Variants in CSMD2 observed in about 807,000 individuals in gnomAD.
CSMD2 encodes CUB and Sushi multiple domains 2.
A neutral mutation model predicts 398.5 loss-of-function variants in CSMD2; 130 were observed. The ratio of observed to expected loss-of-function variants is 0.33; its 90% CI spans 0.28 to 0.38. CSMD2 has a LOEUF of 0.38. CSMD2 is among the 10% of genes least tolerant of loss of function. The pLI is 1.00. For missense variants in CSMD2, 3,829 were observed against 4,764.9 expected (o/e 0.80, Z 5.78); for synonymous variants, 1,828 against 1,908.5 (o/e 0.96, Z 1.10).
At chr1:33,686,402 C>T (rs1186582978) in intron 25 of CSMD2, among the ~76,000 whole-genome samples, 1 of 152,166 alleles carries the variant, frequency 6.6e-6, no homozygotes, top group East Asian at 1.9e-4. Context: ...AGCTGCCAGG[C>T]CTGGATGGAG....
chr1:33,637,557 C>T lies in CSMD2; in HGVS notation c.4775-1003G>A, dbSNP rs555052478. On this transcript the variant is annotated intron_variant, in intron 29 of 70. Transcript: ENST00000373381. ...TGAGCAGCAACTGGGAGCCCATGCTCACGCTTCTATGCATGATTACCTTTC... is the reference window on the plus strand; with the variant it reads ...TGAGCAGCAACTGGGAGCCCATGCTTACGCTTCTATGCATGATTACCTTTC... Among the ~76,000 whole-genome samples, 18 of 152,296 alleles carry T rather than the reference C, an allele frequency of 1.2e-4. No individual in the cohort carries two copies. In the East Asian group the frequency reaches 2.7e-3, roughly 23 times the overall value.
chr1:34,105,702 G>T (rs562806691), intron 1 of CSMD2, among the ~76,000 whole-genome samples: 1 of 152,216 alleles, frequency 6.6e-6, no homozygotes, highest in East Asian at 1.9e-4. Context: ...ACTGAAAATC[G>T]ATCATACACT....
Position 33,567,478 on chromosome 1 carries a change from C to CACATATATATATATATATATATATAT in CSMD2, c.8380+114_8380+115insATATATATATATATATATATATATGT, listed in dbSNP as rs1659152361. The CACATATATATATATATATATATATAT allele has an allele frequency of 1.7e-5, 8 of 469,870 alleles. No homozygotes were observed. The East Asian group carries it at 4.1e-4, about 24-fold the overall frequency. 29.1% of individuals were successfully genotyped at this position (469,870 alleles called of 1,614,324 possible). ...CAGTTTTGAAAAAAAAAATAGCAATCATATATATATATATATATTTAAAAC... is the reference window on the plus strand; with the variant it reads ...CAGTTTTGAAAAAAAAAATAGCAATCACATATATATATATATATATATATATATATATATATATATATATTTAAAAC... On this transcript the variant is annotated intron_variant, in intron 53 of 70. Coordinates refer to ENST00000373381, the MANE Select transcript of CSMD2 (RefSeq NM_001281956.2).
At chr1:34,059,920 A>G (rs1482746785) in intron 2 of CSMD2, among the ~76,000 whole-genome samples, 2 of 152,138 alleles carry the variant, frequency 1.3e-5, no homozygotes, top group African/African-American at 4.8e-5. Flanking sequence ...TGTTCATTCA[A>G]ATGTCCCTTT....
At chr1:33,568,142 A>G (rs372553490) in intron 52 of CSMD2, among the ~76,000 whole-genome samples, 104 of 151,892 alleles carry the variant, frequency 6.8e-4, no homozygotes, top group African/African-American at 2.5e-3. Flanking sequence ...ATAAAAAAAC[A>G]AACAAACAAA....
At chr1:33,938,704 G>A (rs1052772647) in intron 3 of CSMD2, among the ~76,000 whole-genome samples, 2 of 125,102 alleles carry the variant, frequency 1.6e-5, no homozygotes, top group Non-Finnish European at 3.2e-5. Flanking sequence ...CCATGATCCT[G>A]TACTGCTGCT....
chr1:33,744,469 C>T (rs958142184), intron 13 of CSMD2, among the ~76,000 whole-genome samples: 1 of 152,118 alleles, frequency 6.6e-6, no homozygotes, highest in Non-Finnish European at 1.5e-5. Flanking sequence ...TGTTCTCTCT[C>T]CCCTATTTCA....
chr1:34,060,588 A>G (rs1248339361), intron 2 of CSMD2, among the ~76,000 whole-genome samples: 1 of 150,980 alleles, frequency 6.6e-6, no homozygotes, highest in Admixed American at 6.6e-5. Flanking sequence ...ATCTAGAGCC[A>G]GGATTGCTCA....
intron 25 of CSMD2, among the ~76,000 whole-genome samples, chr1:33,670,428 C>T (rs888661638): frequency 6.6e-6 from 1 of 152,240 alleles, no homozygotes; most frequent in African/African-American, 2.4e-5. Context: ...TGCCAAGCAT[C>T]TGTCACTCTA....
intron 2 of CSMD2, among the ~76,000 whole-genome samples, chr1:34,075,481 GA>G (rs1395188656): frequency 6.6e-6 from 1 of 152,242 alleles, no homozygotes; most frequent in Non-Finnish European, 1.5e-5. Flanking sequence ...CCAGTTGAGT[GA>G]AATCTGCAAC....
intron 5 of CSMD2, among the ~76,000 whole-genome samples, chr1:33,911,693 G>C (rs1414930640): frequency 1.3e-5 from 2 of 152,210 alleles, no homozygotes; most frequent in African/African-American, 4.8e-5. Flanking sequence ...CTGCTTCCCA[G>C]GGAAATTCTC....
At position 34,001,328 on chromosome 1, in the gene CSMD2, G is replaced by T. The variant is rs549353438; in HGVS notation, c.517+31266C>A. Among the ~76,000 whole-genome samples, 11 of 152,196 alleles carry T rather than the reference G, an allele frequency of 7.2e-5. No individual in the cohort carries two copies. In the East Asian group the frequency reaches 1.7e-3, roughly 24 times the overall value. ...TTTCAAGATCAAAAGAGCACATGAG[G>T]TCTCCAAAAATTTTATATATAGCAA... On this transcript the variant is annotated intron_variant, in intron 3 of 70. Transcript: ENST00000373381.
At chr1:33,792,555 G>A (rs1381492013) in intron 10 of CSMD2, 29 bp from the exon 11 acceptor site, 4 of 1,509,156 alleles carry the variant, frequency 2.7e-6, no homozygotes, top group Admixed American at 1.7e-5. Flanking sequence ...GTTAGGAGCA[G>A]GCAGGGGCTG....
chr1:33,631,528 A>C (rs1039967968), intron 32 of CSMD2, among the ~76,000 whole-genome samples: 4 of 152,166 alleles, frequency 2.6e-5, no homozygotes, highest in Admixed American at 6.5e-5. Context: ...ATATGCCAAA[A>C]ACAACAGTCT....
chr1:34,096,878 C>G (rs1380071766), intron 1 of CSMD2, among the ~76,000 whole-genome samples: 21 of 144,154 alleles, frequency 1.5e-4, no homozygotes, highest in African/African-American at 5.2e-4. Context: ...ATCAAGCTAC[C>G]AATGCCTTTC....
chr1:33,812,911 T>A (rs1657019855), intron 9 of CSMD2: 1 of 152,122 alleles, frequency 6.6e-6, no homozygotes, highest in African/African-American at 2.4e-5. Flanking sequence ...GACATAGGTT[T>A]TTTTCCCCCA....
intron 5 of CSMD2, among the ~76,000 whole-genome samples, chr1:33,883,370 GA>G (rs779410481): frequency 1.3e-5 from 2 of 152,106 alleles, no homozygotes; most frequent in Non-Finnish European, 2.9e-5. Flanking sequence ...AATAAATGAT[GA>G]CACATTTACC....
At chr1:34,003,514 T>C (rs1386011339) in intron 3 of CSMD2, among the ~76,000 whole-genome samples, 1 of 152,190 alleles carries the variant, frequency 6.6e-6, no homozygotes, top group Non-Finnish European at 1.5e-5. Context: ...ATAGCTACCA[T>C]TTATTGATTG....
intron 3 of CSMD2, among the ~76,000 whole-genome samples, chr1:33,943,492 G>A (rs1054069759): frequency 6.6e-6 from 1 of 152,198 alleles, no homozygotes; most frequent in South Asian, 2.1e-4. Flanking sequence ...TTGGCAATTG[G>A]CTGTTAGAAT....
Sources: allele counts gnomAD v4.1 joint callset (sites outside exome capture counted in the v4.1 genomes callset), GRCh38; gene constraint gnomAD v4.1.1; transcripts MANE v1.5; gene names NCBI Gene and HGNC (gene_info 2026-07-23, HGNC 2026-07-21).